UBE2O: variants seen among roughly 807,000 people sequenced by gnomAD.
The protein encoded by UBE2O is (E3-independent) E2 ubiquitin-conjugating enzyme.
Under a neutral mutation model 125.8 loss-of-function variants are expected in UBE2O, and 15 were observed. The ratio of observed to expected loss-of-function variants is 0.12; its 90% CI spans 0.08 to 0.18. The LOEUF (loss-of-function observed/expected upper bound fraction) is 0.18, where lower values mean the gene tolerates loss of function less well. Ranked by LOEUF, UBE2O falls within the 10% of genes least tolerant of loss-of-function variation. The probability of loss-of-function intolerance (pLI) is 1.00; values close to 1 mark genes in which losing one functional copy is unlikely to be tolerated. For missense variants in UBE2O, 1,280 were observed against 1,723.6 expected (o/e 0.74, Z 4.56); for synonymous variants, 708 against 703.2 (o/e 1.01, Z -0.11).
chr17:76,398,460 G>A lies in UBE2O; in HGVS notation c.1896+12C>T. The A allele has an allele frequency of 1.9e-6, 3 of 1,614,038 alleles. No homozygotes were observed. The highest frequency in any genetic ancestry group is 1.1e-5 in the South Asian group (1 of 91,080). On this transcript the variant is annotated intron_variant, in intron 11 of 17. Coordinates refer to ENST00000319380, the MANE Select transcript of UBE2O (RefSeq NM_022066.4). This position sits in a 1 kb window ranked among gnomAD's most constrained non-coding sequence, Gnocchi z 5.4. ...GAGCCCACCTGAAGCAAGCAGTAGG[G>A]GCTGCACACACCTCCACGTCGTCCC...
chr17:76,403,526 C>A (rs1271460931), intron 3 of UBE2O, among the ~76,000 whole-genome samples: 1 of 152,178 alleles, frequency 6.6e-6, no homozygotes, highest in Non-Finnish European at 1.5e-5. Flanking sequence ...TCTGCCTCAG[C>A]CTCTCAAAGT....
At chr17:76,412,521 C>G (rs1301329912) in intron 1 of UBE2O, among the ~76,000 whole-genome samples, 2 of 152,006 alleles carry the variant, frequency 1.3e-5, no homozygotes, top group Non-Finnish European at 2.9e-5. Flanking sequence ...CTGGGGACCT[C>G]AGGGGCTCCT....
At chr17:76,415,795 C>CTCTGTGTGTGTGTGTGTGTG (rs1555607402) in intron 1 of UBE2O, among the ~76,000 whole-genome samples, 14 of 143,282 alleles carry the variant, frequency 9.8e-5, no homozygotes, top group East Asian at 8.4e-4. Flanking sequence ...CAGAGCAAGA[C>CTCTGTGTGTGTGTGTGTGTG]TGTGTGTGTG....
At chr17:76,444,551 A>G (rs1036255381) in intron 1 of UBE2O, among the ~76,000 whole-genome samples, 4 of 152,214 alleles carry the variant, frequency 2.6e-5, no homozygotes, top group African/African-American at 7.2e-5. Flanking sequence ...AAATGAGGAC[A>G]AGGACTGAGA....
chr17:76,428,900 C>T (rs1025817355), intron 1 of UBE2O, among the ~76,000 whole-genome samples: 2 of 149,628 alleles, frequency 1.3e-5, no homozygotes, highest in Non-Finnish European at 3.0e-5. Context: ...GACCCCTCTA[C>T]TATTTTTTTT....
intron 1 of UBE2O, among the ~76,000 whole-genome samples, chr17:76,422,716 C>T (rs1277799829): frequency 6.6e-6 from 1 of 152,198 alleles, no homozygotes; most frequent in African/African-American, 2.4e-5. Context: ...CTTCTCTGGC[C>T]ACCCTGTCTG....
intron 1 of UBE2O, among the ~76,000 whole-genome samples, chr17:76,450,378 A>C (rs891480407): frequency 1.3e-5 from 2 of 152,070 alleles, no homozygotes; most frequent in Non-Finnish European, 2.9e-5. Context: ...ATCAGGTATA[A>C]ACTCCACCCT....
At chr17:76,409,723 C>T (rs1296821260) in intron 1 of UBE2O, among the ~76,000 whole-genome samples, 1 of 152,174 alleles carries the variant, frequency 6.6e-6, no homozygotes, top group African/African-American at 2.4e-5. Context: ...ACATGTGACT[C>T]AACAGTGGGG....
At chr17:76,415,844 T>A (rs1022014154) in intron 1 of UBE2O, among the ~76,000 whole-genome samples, 1 of 150,806 alleles carries the variant, frequency 6.6e-6, no homozygotes, top group Non-Finnish European at 1.5e-5. Flanking sequence ...CACATATATG[T>A]ATATACAAAT....
At chr17:76,407,570 G>T (rs1204372172) in intron 1 of UBE2O, among the ~76,000 whole-genome samples, 1 of 152,186 alleles carries the variant, frequency 6.6e-6, no homozygotes, top group Non-Finnish European at 1.5e-5. Context: ...TGAGAGAGCA[G>T]CCAGGAAAGG....
At chr17:76,401,684 T>C in intron 5 of UBE2O, 1 of 170,388 alleles carries the variant, frequency 5.9e-6, no homozygotes, top group Non-Finnish European at 1.2e-5. Context: ...GAGACCAGCC[T>C]GGCCAACATG....
At chr17:76,393,181 C>T (rs1209863298) in intron 15 of UBE2O, among the ~76,000 whole-genome samples, 1 of 151,732 alleles carries the variant, frequency 6.6e-6, no homozygotes, top group Non-Finnish European at 1.5e-5. Context: ...TCACTTGACT[C>T]CAGGAGGCTG....
rs750608032 is a variant in UBE2O at position 76,398,421 on chromosome 17, T to C, written c.1897-38A>G. 3.1e-6 allele frequency: 5 copies of C among 1,614,050 alleles called. No individual in the cohort carries two copies. The highest frequency in any genetic ancestry group is 4.2e-6 in the Non-Finnish European group (5 of 1,179,998). The stretch of plus-strand genomic sequence containing the variant: ...ACAGGTTGTCATGAGCTAGGGGTCC[T>C]ACACCCAACCCCAGAGCCCACCTGA... On this transcript the variant is annotated intron_variant, in intron 11 of 17. Coordinates refer to ENST00000319380, the MANE Select transcript of UBE2O (RefSeq NM_022066.4). This position sits in a 1 kb window ranked among gnomAD's most constrained non-coding sequence, Gnocchi z 5.4.
chr17:76,440,124 A>AG (rs1293611243), intron 1 of UBE2O, among the ~76,000 whole-genome samples: 1 of 152,160 alleles, frequency 6.6e-6, no homozygotes, highest in East Asian at 1.9e-4. Flanking sequence ...AGGTGCTATG[A>AG]GGGAAAAAAG....
In UBE2O at chr17:76,400,935, A is replaced by G. The variant is rs529215123; in HGVS notation, c.894+76T>C. On this transcript the variant is annotated intron_variant, in intron 6 of 17. Coordinates refer to ENST00000319380, the MANE Select transcript of UBE2O (RefSeq NM_022066.4). The surrounding 1 kb of genome is among the most constrained non-coding windows in gnomAD (Gnocchi z 4.3). Reference sequence around the variant, plus strand: ...GCGGGGCTCAACCCTCAAGAGCAGGAAGGAAAGGGGCAGCAGCTCAGCTCC... The same window carrying G: ...GCGGGGCTCAACCCTCAAGAGCAGGGAGGAAAGGGGCAGCAGCTCAGCTCC... The G allele has an allele frequency of 1.3e-6, 2 of 1,557,212 alleles. No homozygotes were observed. The highest frequency in any genetic ancestry group is 1.8e-6 in the Non-Finnish European group (2 of 1,142,008).
intron 1 of UBE2O, among the ~76,000 whole-genome samples, chr17:76,433,773 G>A (rs559478620): frequency 1.3e-5 from 2 of 151,788 alleles, no homozygotes; most frequent in East Asian, 3.9e-4. Flanking sequence ...TGTAATGCCA[G>A]CACTTTGGGA....
rs779478822 is a variant in UBE2O, at chr17:76,402,164, G to A, written c.687-37C>T. 24 of 1,603,098 alleles carry A rather than the reference G, an allele frequency of 1.5e-5. No homozygotes were observed. The East Asian group carries it at 4.5e-4, about 30-fold the overall frequency. On this transcript the variant is annotated intron_variant, in intron 4 of 17. Transcript: ENST00000319380. The surrounding 1 kb of genome is among the most constrained non-coding windows in gnomAD (Gnocchi z 5.4). Reference sequence around the variant, plus strand: ...AACAGAGGTTTGGTCTCCACCAGGGGACACAGTGAGTACCAAAAAGTTGCG... The same window carrying A: ...AACAGAGGTTTGGTCTCCACCAGGGAACACAGTGAGTACCAAAAAGTTGCG...
Position 76,399,054 on chromosome 17 carries a change from A to T in UBE2O, c.1629-63T>A, listed in dbSNP as rs1329926005. 55 of 1,577,290 alleles carry T rather than the reference A, an allele frequency of 3.5e-5. No homozygotes were observed. Among genetic ancestry groups the T allele is most frequent in the Non-Finnish European group, 3.9e-5 (45 of 1,162,644 alleles). ...CACCCCCTCCGCGGAAAGGGCAGAGAGTCTTTCTGTCCCTTCCTGTCCCTG... is the reference window on the plus strand; with the variant it reads ...CACCCCCTCCGCGGAAAGGGCAGAGTGTCTTTCTGTCCCTTCCTGTCCCTG... On this transcript the variant is annotated intron_variant, in intron 9 of 17. Transcript: ENST00000319380. The surrounding 1 kb of genome is among the most constrained non-coding windows in gnomAD (Gnocchi z 6.9).
chr17:76,408,497 A>C (rs886918365), intron 1 of UBE2O, among the ~76,000 whole-genome samples: 3 of 152,222 alleles, frequency 2.0e-5, no homozygotes, highest in African/African-American at 7.2e-5. Context: ...CATTCTCTTA[A>C]CCAAATAAAA....
Sources: allele counts gnomAD v4.1 joint callset (sites outside exome capture counted in the v4.1 genomes callset), GRCh38; gene constraint gnomAD v4.1.1; non-coding constraint Gnocchi (gnomAD v3.1); transcripts MANE v1.5; gene names NCBI Gene and HGNC (gene_info 2026-07-23, HGNC 2026-07-21).